The following FIP1L1 variants were observed in gnomAD, a reference collection of about 807,000 sequenced individuals.
The protein encoded by FIP1L1 is pre-mRNA 3'-end-processing factor FIP1.
Under a neutral mutation model 84.6 loss-of-function variants are expected in FIP1L1, and 21 were observed. That is an observed-to-expected ratio of 0.25 (90% confidence interval 0.18 to 0.36). FIP1L1 has a LOEUF of 0.36. Ranked by LOEUF, FIP1L1 falls within the 10% of genes least tolerant of loss-of-function variation. The pLI, the probability that FIP1L1 is intolerant of heterozygous loss-of-function variation, is 1.00. For missense variants in FIP1L1, 526 were observed against 751.1 expected (o/e 0.70, Z 3.50); for synonymous variants, 263 against 242.3 (o/e 1.09, Z -0.80).
chr4:53,391,286 C>T, intron 8 of FIP1L1, 144 bp from the exon 9 acceptor site: 2 of 1,186,188 alleles, frequency 1.7e-6, no homozygotes. Flanking sequence ...TTTTCCCTTC[C>T]CTCCCTTTTA....
At chr4:53,419,525 C>T (rs1383835937) in intron 11 of FIP1L1, among the ~76,000 whole-genome samples, 3 of 152,084 alleles carry the variant, frequency 2.0e-5, no homozygotes, top group Non-Finnish European at 2.9e-5. Flanking sequence ...CCTGCAAACT[C>T]GAACTACCAG....
intron 13 of FIP1L1, among the ~76,000 whole-genome samples, chr4:53,437,366 ATCTTC>A (rs1162637085): frequency 6.9e-6 from 1 of 145,232 alleles, no homozygotes; most frequent in Non-Finnish European, 1.5e-5. Flanking sequence ...GAGAGAAATC[ATCTTC>A]TCTTTTGAGA....
chr4:53,416,972 G>A (rs1759774284), intron 11 of FIP1L1, among the ~76,000 whole-genome samples: 1 of 151,660 alleles, frequency 6.6e-6, no homozygotes, highest in African/African-American at 2.4e-5. Flanking sequence ...CAAAAAAAAA[G>A]GAAATACTTA....
chr4:53,405,555 G>A (rs551773683), intron 10 of FIP1L1, among the ~76,000 whole-genome samples: 3 of 148,702 alleles, frequency 2.0e-5, no homozygotes, highest in African/African-American at 7.5e-5. Context: ...AAAGTCATTG[G>A]TAGCTTGATG....
Position 53,427,796 on chromosome 4 carries a change from T to C in FIP1L1, c.1018-231T>C, listed in dbSNP as rs1764922471. Among the ~76,000 whole-genome samples the C allele has an allele frequency of 2.0e-5, 3 of 152,220 alleles. No individual in the cohort carries two copies. In the South Asian group the frequency reaches 6.2e-4, roughly 31 times the overall value. ...TTTTTGGTAATGATCCAGTTGTTTT[T>C]TCTTAAGATTTGAATATGCACATTT... On this transcript the variant is annotated intron_variant, in intron 12 of 17. Coordinates refer to ENST00000337488, the MANE Select transcript of FIP1L1 (RefSeq NM_030917.4).
At chr4:53,383,400 G>T in intron 4 of FIP1L1, among the ~76,000 whole-genome samples, 1 of 152,152 alleles carries the variant, frequency 6.6e-6, no homozygotes, top group East Asian at 1.9e-4. Flanking sequence ...GGTGGCTCAC[G>T]CCTGTAATTC....
chr4:53,402,525 A>G (rs991836041), intron 10 of FIP1L1, among the ~76,000 whole-genome samples: 1 of 152,164 alleles, frequency 6.6e-6, no homozygotes, highest in Non-Finnish European at 1.5e-5. Flanking sequence ...AACATGGCAA[A>G]ACCCCATCTC....
intron 11 of FIP1L1, among the ~76,000 whole-genome samples, chr4:53,418,474 T>C (rs1760803113): frequency 6.6e-6 from 1 of 152,192 alleles, no homozygotes; most frequent in Admixed American, 6.5e-5. Context: ...AACAGTGGCA[T>C]TTTATTGGTG....
At chr4:53,448,130 A>G (rs1774980352) in intron 15 of FIP1L1, among the ~76,000 whole-genome samples, 1 of 152,094 alleles carries the variant, frequency 6.6e-6, no homozygotes. Flanking sequence ...TCCTCCCAGA[A>G]AAAGTTTTCA....
chr4:53,408,420 C>T (rs1335644750), intron 10 of FIP1L1, among the ~76,000 whole-genome samples: 2 of 152,070 alleles, frequency 1.3e-5, no homozygotes, highest in African/African-American at 4.8e-5. Context: ...CTCTGGCTGC[C>T]CTGAACATTT....
intron 15 of FIP1L1, among the ~76,000 whole-genome samples, chr4:53,451,893 T>G (rs1312634395): frequency 1.3e-5 from 2 of 151,910 alleles, no homozygotes; most frequent in East Asian, 3.9e-4. Flanking sequence ...TCCTTTTTTT[T>G]TTTTTTTTGA....
intron 5 of FIP1L1, among the ~76,000 whole-genome samples, chr4:53,388,400 C>T (rs754957237): frequency 5.9e-5 from 9 of 151,348 alleles, no homozygotes; most frequent in Non-Finnish European, 1.2e-4. Context: ...AGTGCAGTGG[C>T]GCGATCTCAC....
chr4:53,405,502 G>T (rs929564886), intron 10 of FIP1L1, among the ~76,000 whole-genome samples: 3 of 147,956 alleles, frequency 2.0e-5, no homozygotes, highest in African/African-American at 7.6e-5. Flanking sequence ...CTCTTTTTTG[G>T]TTCCATATGA....
At chr4:53,397,545 A>G (rs1025167396) in intron 9 of FIP1L1, among the ~76,000 whole-genome samples, 1 of 152,246 alleles carries the variant, frequency 6.6e-6, no homozygotes, top group East Asian at 1.9e-4. Context: ...AAAAAGGCTC[A>G]TAATAAAAAT....
chr4:53,407,417 G>A (rs558365561), intron 10 of FIP1L1, among the ~76,000 whole-genome samples: 3 of 152,282 alleles, frequency 2.0e-5, no homozygotes, highest in East Asian at 3.9e-4. Flanking sequence ...ACTGAGGAGA[G>A]CTTTACTTCC....
At chr4:53,383,744 T>C in intron 4 of FIP1L1, 29 bp from the exon 5 acceptor site, 2 of 1,571,810 alleles carry the variant, frequency 1.3e-6, no homozygotes, top group Non-Finnish European at 1.7e-6. Context: ...TTACTGAATG[T>C]ATTTTATAAT....
At position 53,380,797 on chromosome 4, in the gene FIP1L1, G is replaced by A. The variant is rs1219753832; in HGVS notation, c.171-1481G>A. On this transcript the variant is annotated intron_variant, in intron 3 of 17. Transcript: ENST00000337488. ...ATTAGTTTTAGTTTATGTTATGAAAGTGATTGAATATTTCTTTGTACCCAT... is the reference window on the plus strand; with the variant it reads ...ATTAGTTTTAGTTTATGTTATGAAAATGATTGAATATTTCTTTGTACCCAT... 3.3e-5 allele frequency among the ~76,000 whole-genome samples: 5 copies of A among 152,252 alleles called. No individual in the cohort carries two copies. In the East Asian group the frequency reaches 7.7e-4, roughly 23 times the overall value.
At chr4:53,398,222 A>G (rs1272705204) in intron 9 of FIP1L1, among the ~76,000 whole-genome samples, 1 of 152,208 alleles carries the variant, frequency 6.6e-6, no homozygotes, top group African/African-American at 2.4e-5. Context: ...TTTACCTGTC[A>G]GGTATCTGTC....
At chr4:53,417,783 TCTCTCTCTCTCTCTCTCTCTCTCTCTCTC>T (rs1560537363) in intron 11 of FIP1L1, among the ~76,000 whole-genome samples, 37 of 69,650 alleles carry the variant, frequency 5.3e-4, no homozygotes, top group Non-Finnish European at 1.0e-3. Context: ...TCTCTCTCTC[TCTCTCTCTCTCTCTCTCTCTCTCTCTCTC>T]TCTCTCTCAG....
Sources: allele counts gnomAD v4.1 joint callset (sites outside exome capture counted in the v4.1 genomes callset), GRCh38; gene constraint gnomAD v4.1.1; transcripts MANE v1.5; gene names NCBI Gene and HGNC (gene_info 2026-07-23, HGNC 2026-07-21).